Variants in SMCO4 observed in about 807,000 individuals in gnomAD.
SMCO4 encodes the protein single-pass membrane protein with coiled-coil domains 4.
In SMCO4, 4 loss-of-function variants were observed where a neutral mutation model predicts 3.6. The ratio of observed to expected loss-of-function variants is 1.11; its 90% CI spans 0.54 to 2.53. SMCO4 has a LOEUF of 2.53. SMCO4 is among the 30% of genes most tolerant of loss of function. The probability of loss-of-function intolerance (pLI) is 0.02; values close to 1 mark genes in which losing one functional copy is unlikely to be tolerated. For synonymous variants in SMCO4, 36 were observed against 35.3 expected, an observed-to-expected ratio of 1.02 and a Z score of -0.07; for missense variants, 70 against 80.8, an observed-to-expected ratio of 0.87 and a Z score of 0.51.
At chr11:93,496,918 C>T (rs1254788029) in intron 2 of SMCO4, among the ~76,000 whole-genome samples, 3 of 152,158 alleles carry the variant, frequency 2.0e-5, no homozygotes, top group Non-Finnish European at 4.4e-5. Context: ...AACGCTTACA[C>T]TATGGGGAGT....
At chr11:93,552,284 C>T in the SMCO4 span, among the ~76,000 whole-genome samples, 5 of 149,854 alleles carry the variant, frequency 3.3e-5, no homozygotes, top group African/African-American at 1.2e-4. Flanking sequence ...GGATTACAGG[C>T]ATGCACCACC....
At chr11:93,503,010 G>T (rs138579629) in intron 1 of SMCO4, among the ~76,000 whole-genome samples, 1,864 of 152,236 alleles carry the variant, frequency 0.012, 16 homozygotes, top group Middle Eastern at 0.024. Context: ...TCAGAAAGAA[G>T]AGGTACTGAG....
intron 2 of SMCO4, chr11:93,481,579 C>G: frequency 1.1e-6 from 1 of 951,530 alleles, no homozygotes; most frequent in Middle Eastern, 5.4e-4. Context: ...CTTTATTATC[C>G]CCATCACGGA....
chr11:93,514,413 T>TATATATATATATATATATATACAC (rs781423008), intron 1 of SMCO4, among the ~76,000 whole-genome samples: 4 of 33,962 alleles, frequency 1.2e-4, no homozygotes, highest in East Asian at 6.6e-4. Flanking sequence ...TATATATATA[T>TATATATATATATATATATATACAC]ATATATATAA....
intron 2 of SMCO4, among the ~76,000 whole-genome samples, chr11:93,482,219 C>T (rs986614564): frequency 6.6e-6 from 1 of 152,168 alleles, no homozygotes; most frequent in Non-Finnish European, 1.5e-5. Context: ...GAGATAACGA[C>T]TGGGGAGGGG....
upstream of SMCO4, among the ~76,000 whole-genome samples, chr11:93,546,040 G>T (rs1472265891): frequency 6.6e-6 from 1 of 152,198 alleles, no homozygotes; most frequent in Non-Finnish European, 1.5e-5. Context: ...AGCCAACCCA[G>T]GAATTGTGAG....
intron 1 of SMCO4, among the ~76,000 whole-genome samples, chr11:93,532,708 G>A (rs1949174828): frequency 6.6e-6 from 1 of 152,144 alleles, no homozygotes; most frequent in Non-Finnish European, 1.5e-5. Context: ...CACAAGCCAA[G>A]AATACCAAGG....
At chr11:93,526,454 G>A (rs1949108979) in intron 1 of SMCO4, among the ~76,000 whole-genome samples, 1 of 152,244 alleles carries the variant, frequency 6.6e-6, no homozygotes, top group African/African-American at 2.4e-5. Flanking sequence ...ATTTGGCAGG[G>A]ACAAATTCCA....
intron 2 of SMCO4, among the ~76,000 whole-genome samples, chr11:93,495,819 A>T (rs1350363343): frequency 6.6e-6 from 1 of 152,212 alleles, no homozygotes; most frequent in Non-Finnish European, 1.5e-5. Flanking sequence ...TGGAGGAACA[A>T]ATCACTCCTT....
chr11:93,520,962 A>G (rs980499770), intron 1 of SMCO4, among the ~76,000 whole-genome samples: 20 of 152,214 alleles, frequency 1.3e-4, no homozygotes, highest in African/African-American at 4.8e-4. Context: ...TAAAATTATC[A>G]CTGTGTCGAC....
At chr11:93,553,219 A>T in the SMCO4 span, among the ~76,000 whole-genome samples, 17 of 152,346 alleles carry the variant, frequency 1.1e-4, 1 homozygote, top group East Asian at 3.3e-3. Context: ...AGACTTGGAC[A>T]TGGTTCATGG....
chr11:93,542,234 A>T (rs113563333), intron 1 of SMCO4, among the ~76,000 whole-genome samples: 110 of 152,306 alleles, frequency 7.2e-4, no homozygotes, highest in African/African-American at 2.5e-3. Context: ...CTACGCAGAC[A>T]CTAGCAGGCC....
chr11:93,523,779 G>A (rs930327349), intron 1 of SMCO4, among the ~76,000 whole-genome samples: 3 of 152,144 alleles, frequency 2.0e-5, no homozygotes, highest in Admixed American at 2.0e-4. Context: ...AAAATACCCC[G>A]CTTTCTAAAA....
intron 1 of SMCO4, among the ~76,000 whole-genome samples, chr11:93,533,848 G>C (rs1205273986): frequency 6.6e-6 from 1 of 152,124 alleles, no homozygotes; most frequent in African/African-American, 2.4e-5. Flanking sequence ...ACCAGATTAA[G>C]TCTACTTATG....
chr11:93,491,698 T>C (rs1449897784), intron 2 of SMCO4, among the ~76,000 whole-genome samples: 1 of 152,252 alleles, frequency 6.6e-6, no homozygotes, highest in Admixed American at 6.5e-5. Context: ...TAAAATGTTA[T>C]TTCTCCCAAA....
At chr11:93,479,331 T>C in intron 2 of SMCO4, 62 bp from the exon 3 acceptor site, 1 of 1,369,598 alleles carries the variant, frequency 7.3e-7, no homozygotes, top group Non-Finnish European at 9.5e-7. Context: ...ATAAATCACT[T>C]AAAGGCAAAT....
chr11:93,486,903 G>C (rs1004511279), intron 2 of SMCO4, among the ~76,000 whole-genome samples: 1 of 152,092 alleles, frequency 6.6e-6, no homozygotes, highest in Admixed American at 6.5e-5. Flanking sequence ...ACAGTTGAAG[G>C]CGCTCCCTAA....
At chr11:93,514,374 CTA>C (rs148462986) in intron 1 of SMCO4, among the ~76,000 whole-genome samples, 411 of 38,882 alleles carry the variant, frequency 0.011, 2 homozygotes, top group Non-Finnish European at 0.014. Context: ...CAGGATGAGG[CTA>C]TATATATATA....
chr11:93,512,505 C>T (rs1376636523), intron 1 of SMCO4, among the ~76,000 whole-genome samples: 2 of 152,182 alleles, frequency 1.3e-5, no homozygotes, highest in African/African-American at 4.8e-5. Context: ...ATGGCAAGTA[C>T]CCTATACAGG....
Sources: allele counts gnomAD v4.1 joint callset (sites outside exome capture counted in the v4.1 genomes callset), GRCh38; gene constraint gnomAD v4.1.1; transcripts MANE v1.5; gene names NCBI Gene and HGNC (gene_info 2026-07-23, HGNC 2026-07-21).